ANK2: variants seen among roughly 807,000 people sequenced by gnomAD.
ANK2 encodes the protein ankyrin-2.
Under a neutral mutation model 360.5 loss-of-function variants are expected in ANK2, and 83 were observed. The ratio of observed to expected loss-of-function variants is 0.23; its 90% CI spans 0.19 to 0.28. The LOEUF is 0.28. Among genes scored for constraint, ANK2 ranks in the 10% least tolerant of loss-of-function variants. The pLI is 1.00. For synonymous variants in ANK2, 1,740 were observed against 1,759.5 expected, an observed-to-expected ratio of 0.99 and a Z score of 0.28; for missense variants, 4,201 against 4,795.7, an observed-to-expected ratio of 0.88 and a Z score of 3.66.
chr4:112,830,972 C>T (rs908774156), intron 1 of ANK2, among the ~76,000 whole-genome samples: 4 of 152,194 alleles, frequency 2.6e-5, no homozygotes. Flanking sequence ...CGGAGGGTGC[C>T]CCGGGTCCCC....
In ANK2 at chr4:113,356,093, C is replaced by A; in HGVS notation, c.7475C>A (p.Ala2492Asp). Residue 2492 changes from alanine (A) to aspartate (D), a missense_variant, in exon 38 of 46, where the codon GCT (alanine) becomes GAT (aspartate). Ala to Asp is a moderately radical substitution (Grantham distance 126, BLOSUM62 -2). Around this residue, in one of 4 missense-constraint regions of ANK2, gnomAD observed 2,642 missense variants for 2,714.5 expected, o/e 0.97. Coordinates refer to ENST00000357077, the MANE Select transcript of ANK2 (RefSeq NM_001148.6). ...CCAAGTCACTTTCCTCTTCCTGCAG[C>A]TGTTGCCAAAACAGAACTCTTGACG... Reference protein sequence around the residue: ...IFPSHFPLPAAVAKTELLTEV... With the variant: ...IFPSHFPLPADVAKTELLTEV... 1.2e-6 allele frequency: 2 copies of A among 1,614,140 alleles called. No individual in the cohort carries two copies. Among genetic ancestry groups the A allele is most frequent in the South Asian group, 2.2e-5 (2 of 91,068 alleles).
intron 1 of ANK2, among the ~76,000 whole-genome samples, chr4:113,107,768 T>C (rs996463203): frequency 2.0e-5 from 3 of 152,216 alleles, no homozygotes; most frequent in African/African-American, 7.2e-5. Flanking sequence ...GTGTTTTACA[T>C]GTGCTATTTC....
At chr4:113,087,037 G>A (rs1223019528) in intron 1 of ANK2, among the ~76,000 whole-genome samples, 1 of 152,150 alleles carries the variant, frequency 6.6e-6, no homozygotes, top group Non-Finnish European at 1.5e-5. Context: ...CTTCAAAAAG[G>A]TTACATTCAA....
rs534553468 is a variant in ANK2, at chr4:113,268,607, C to G, written c.1485+3612C>G. On this transcript the variant is annotated intron_variant, in intron 14 of 45. Coordinates refer to ENST00000357077, the MANE Select transcript of ANK2 (RefSeq NM_001148.6). ...ATCCCAGGGATGAAGCTGACTTGAT[C>G]GTGGTGGATAAGCTTTTTGATGTGC... 1.2e-4 allele frequency among the ~76,000 whole-genome samples: 18 copies of G among 152,278 alleles called. No homozygotes were observed. The East Asian group carries it at 2.3e-3, about 20-fold the overall frequency.
intron 1 of ANK2, among the ~76,000 whole-genome samples, chr4:113,066,947 C>T (rs761394789): frequency 1.1e-4 from 16 of 151,772 alleles, no homozygotes; most frequent in African/African-American, 2.2e-4. Flanking sequence ...TAGGGCTTGG[C>T]GATAGTAAGC....
At chr4:112,881,856 G>C in intron 1 of ANK2, 1 of 851,182 alleles carries the variant, frequency 1.2e-6, no homozygotes, top group Non-Finnish European at 2.0e-6. Flanking sequence ...GTGGGCACCG[G>C]GTTTTTGAGA....
chr4:112,745,921 C>T, the ANK2 span, among the ~76,000 whole-genome samples: 1 of 152,108 alleles, frequency 6.6e-6, no homozygotes, highest in Admixed American at 6.6e-5. Flanking sequence ...CACTGGCTGC[C>T]CTTCCTGGTC....
At chr4:112,716,703 C>CT in the ANK2 span, among the ~76,000 whole-genome samples, 1 of 152,122 alleles carries the variant, frequency 6.6e-6, no homozygotes, top group Non-Finnish European at 1.5e-5. Flanking sequence ...GTAAATGGTA[C>CT]TATAGGCTTA....
the ANK2 span, among the ~76,000 whole-genome samples, chr4:112,811,794 C>T: frequency 4.0e-5 from 6 of 151,792 alleles, no homozygotes; most frequent in Non-Finnish European, 4.4e-5. Context: ...TGTGTTACTC[C>T]GGCCGGGCGC....
chr4:113,271,756 A>G (rs1157738041), intron 14 of ANK2, among the ~76,000 whole-genome samples: 1 of 152,248 alleles, frequency 6.6e-6, no homozygotes, highest in Non-Finnish European at 1.5e-5. Flanking sequence ...TTTAAAGTTC[A>G]CGCAGAACAC....
intron 22 of ANK2, among the ~76,000 whole-genome samples, chr4:113,293,999 C>G (rs67331492): frequency 0.11 from 17,481 of 152,228 alleles, 1,054 homozygotes; most frequent in African/African-American, 0.12. Context: ...AGCAATTCAT[C>G]CTTACTTTGC....
At chr4:112,775,563 A>T in the ANK2 span, among the ~76,000 whole-genome samples, 1 of 146,720 alleles carries the variant, frequency 6.8e-6, no homozygotes, top group Non-Finnish European at 1.5e-5. Flanking sequence ...AAATTCTAAG[A>T]TTTTAAGATT....
chr4:113,184,860 C>A (rs572441554), intron 2 of ANK2, among the ~76,000 whole-genome samples: 2 of 152,180 alleles, frequency 1.3e-5, no homozygotes, highest in East Asian at 3.9e-4. Context: ...CCTCCCCTAG[C>A]CTCCCACTCC....
At chr4:113,300,032 G>A (rs2074140570) in intron 22 of ANK2, among the ~76,000 whole-genome samples, 1 of 151,896 alleles carries the variant, frequency 6.6e-6, no homozygotes, top group Admixed American at 6.6e-5. Flanking sequence ...TAATTTATTG[G>A]TGTTAAATTT....
At position 113,356,712 on chromosome 4, in the gene ANK2, C is replaced by G. The variant is rs768800173; in HGVS notation, c.8094C>G (p.Ser2698Arg). The G allele has an allele frequency of 6.2e-7, 1 of 1,614,100 alleles. No individual in the cohort carries two copies. Among genetic ancestry groups the G allele is most frequent in the Non-Finnish European group, 8.5e-7 (1 of 1,179,964 alleles). Residue 2698 changes from serine (S) to arginine (R), a missense_variant, in exon 38 of 46, where the codon AGC becomes AGG. By Grantham distance (110) the Ser-to-Arg change is moderately radical. Coordinates refer to ENST00000357077, the MANE Select transcript of ANK2 (RefSeq NM_001148.6). ...AACCTCCTTCTCCACTTCCATCAAG[C>G]ATGGACTCCAATTCCAGTCCAGAAG... Reference protein sequence around the residue: ...RVQPPSPLPSSMDSNSSPEEV... With the variant: ...RVQPPSPLPSRMDSNSSPEEV...
At chr4:112,993,730 A>C (rs1176010513) in intron 2 of ANK2, among the ~76,000 whole-genome samples, 2 of 150,130 alleles carry the variant, frequency 1.3e-5, no homozygotes, top group Non-Finnish European at 3.0e-5. Flanking sequence ...TTTTTGACAC[A>C]GGGACTCACT....
intron 33 of ANK2, among the ~76,000 whole-genome samples, 190 bp from the exon 34 acceptor site, chr4:113,342,827 C>T (rs1040789739): frequency 3.9e-5 from 6 of 152,140 alleles, no homozygotes; most frequent in Non-Finnish European, 7.4e-5. Context: ...TAAAGATTCC[C>T]ATTACTAGTA....
chr4:112,944,404 A>C (rs1025582894), intron 2 of ANK2, among the ~76,000 whole-genome samples: 1 of 152,230 alleles, frequency 6.6e-6, no homozygotes, highest in African/African-American at 2.4e-5. Flanking sequence ...TCCATTAATT[A>C]GGAATTTTTA....
chr4:112,969,551 G>GA (rs775906105), intron 2 of ANK2, among the ~76,000 whole-genome samples: 53 of 152,198 alleles, frequency 3.5e-4, no homozygotes, highest in Non-Finnish European at 6.8e-4. Context: ...GGAAAAGAGT[G>GA]AAAAGGGGGA....
Sources: allele counts gnomAD v4.1 joint callset (sites outside exome capture counted in the v4.1 genomes callset), GRCh38; gene constraint gnomAD v4.1.1; regional missense constraint gnomAD v4.1.1; transcripts MANE v1.5; gene names NCBI Gene and HGNC (gene_info 2026-07-23, HGNC 2026-07-21).